The following ACCSL variants were observed in gnomAD, a reference collection of about 807,000 sequenced individuals.
ACCSL encodes probable inactive 1-aminocyclopropane-1-carboxylate synthase-like protein 2.
ACCSL carries 55 observed loss-of-function variants against 61.7 expected under a neutral mutation model. That is an observed-to-expected ratio of 0.89 (90% CI 0.72 to 1.12). The LOEUF (loss-of-function observed/expected upper bound fraction) is 1.12, where lower values mean the gene tolerates loss of function less well. Among genes scored for constraint, ACCSL ranks in the 50% most tolerant of loss-of-function variants. The pLI, the probability that ACCSL is intolerant of heterozygous loss-of-function variation, is 0.00. For synonymous variants in ACCSL, 258 were observed against 264.3 expected (o/e 0.98, Z 0.23); for missense variants, 632 against 698.0 (o/e 0.91, Z 1.07).
the ACCSL span, among the ~76,000 whole-genome samples, chr11:44,018,294 C>G: frequency 1.3e-5 from 2 of 152,320 alleles, no homozygotes; most frequent in South Asian, 4.1e-4. Flanking sequence ...GATGTGAACT[C>G]ACAGCAGGGA....
chr11:43,983,525 G>T, the ACCSL span, among the ~76,000 whole-genome samples: 28 of 152,242 alleles, frequency 1.8e-4, no homozygotes, highest in African/African-American at 6.7e-4. Context: ...GGGGAGATGG[G>T]AACCAGAGAA....
At chr11:44,010,361 T>C in the ACCSL span, among the ~76,000 whole-genome samples, 1 of 152,144 alleles carries the variant, frequency 6.6e-6, no homozygotes, top group Non-Finnish European at 1.5e-5. Flanking sequence ...GTCTCCTTCA[T>C]ATAGGCAACA....
the ACCSL span, among the ~76,000 whole-genome samples, chr11:44,021,954 C>T: frequency 4.6e-5 from 7 of 152,246 alleles, no homozygotes; most frequent in Non-Finnish European, 8.8e-5. Flanking sequence ...TCTGGGTTCT[C>T]TCTTCTGTTC....
At chr11:43,958,290 A>G in the ACCSL span, among the ~76,000 whole-genome samples, 1 of 152,070 alleles carries the variant, frequency 6.6e-6, no homozygotes, top group African/African-American at 2.4e-5. Context: ...CAGGTTTTTC[A>G]TTTCTCACAA....
chr11:43,950,246 A>T, the ACCSL span, among the ~76,000 whole-genome samples: 5 of 152,208 alleles, frequency 3.3e-5, no homozygotes, highest in Non-Finnish European at 5.9e-5. Context: ...TAAAATGTAT[A>T]AAACCAACCT....
the ACCSL span, among the ~76,000 whole-genome samples, chr11:43,971,762 A>C: frequency 6.6e-6 from 1 of 152,044 alleles, no homozygotes; most frequent in South Asian, 2.1e-4. Context: ...GCATCATCTC[A>C]TTGACTCAAG....
the ACCSL span, among the ~76,000 whole-genome samples, chr11:44,000,268 G>A: frequency 6.6e-6 from 1 of 152,116 alleles, no homozygotes; most frequent in Non-Finnish European, 1.5e-5. Context: ...GGGATTACAG[G>A]CATGCACCAC....
chr11:43,940,091 C>T, the ACCSL span, among the ~76,000 whole-genome samples: 1 of 152,190 alleles, frequency 6.6e-6, no homozygotes, highest in Non-Finnish European at 1.5e-5. Context: ...CTTCTTGCTT[C>T]TTTCCCAGCT....
the ACCSL span, among the ~76,000 whole-genome samples, chr11:44,042,178 A>T: frequency 1.3e-5 from 2 of 152,162 alleles, no homozygotes; most frequent in Non-Finnish European, 2.9e-5. Flanking sequence ...TATTTATTTG[A>T]CTATAAAGTA....
rs772207275 is a variant in ACCSL at position 44,055,167 on chromosome 11, T to C, written c.1050-35T>C. 7 of 1,408,834 alleles carry C rather than the reference T, an allele frequency of 5.0e-6. No homozygotes were observed. The East Asian group carries it at 1.6e-4, about 33-fold the overall frequency. The allele number at this position is 1,408,834 out of a possible 1,614,324, so 87.3% of individuals were successfully genotyped here. A position where few individuals can be genotyped will look rare whatever the true frequency, so the allele number is the denominator to read the frequency against. On this transcript the variant is annotated intron_variant, in intron 8 of 13. Transcript: ENST00000378832. The stretch of plus-strand genomic sequence containing the variant: ...CAAAGAAAAAAGATTAGAGAGAAGC[T>C]AGATCTTGTTCTCCTTCTTTCATCT...
chr11:44,050,695 C>A, intron 3 of ACCSL, 73 bp downstream of exon 3: 2 of 1,437,692 alleles, frequency 1.4e-6, no homozygotes, highest in Non-Finnish European at 1.9e-6. Context: ...GGATTCAAGG[C>A]ACCAAATTCC....
At chr11:43,942,960 T>A in the ACCSL span, 1 of 1,484,588 alleles carries the variant, frequency 6.7e-7, no homozygotes, top group East Asian at 2.9e-5. Context: ...CAGGCGGTGA[T>A]GCCGCACTTC....
chr11:44,002,086 C>A, the ACCSL span, among the ~76,000 whole-genome samples: 2 of 151,776 alleles, frequency 1.3e-5, no homozygotes, highest in Non-Finnish European at 2.9e-5. Flanking sequence ...TTTTTTTCAT[C>A]TGTGGACAAG....
chr11:44,016,955 G>A, the ACCSL span, among the ~76,000 whole-genome samples: 4 of 152,142 alleles, frequency 2.6e-5, no homozygotes, highest in Non-Finnish European at 5.9e-5. Flanking sequence ...ATTCATTTCT[G>A]GAGTTTTTGC....
At chr11:44,015,215 T>C in the ACCSL span, among the ~76,000 whole-genome samples, 1 of 152,242 alleles carries the variant, frequency 6.6e-6, no homozygotes, top group Non-Finnish European at 1.5e-5. Flanking sequence ...ATTATATCAC[T>C]GCTTTCCACC....
chr11:43,938,080 T>C, the ACCSL span, among the ~76,000 whole-genome samples: 540 of 152,258 alleles, frequency 3.5e-3, 3 homozygotes, highest in Non-Finnish European at 4.3e-3. Context: ...TTTAGACACA[T>C]GGCCTCCTAG....
At chr11:43,973,555 A>G in the ACCSL span, among the ~76,000 whole-genome samples, 1 of 152,230 alleles carries the variant, frequency 6.6e-6, no homozygotes, top group South Asian at 2.1e-4. Flanking sequence ...TGGTCTAACC[A>G]GTTACTTTGG....
chr11:44,030,840 T>C, the ACCSL span, among the ~76,000 whole-genome samples: 4 of 152,136 alleles, frequency 2.6e-5, no homozygotes, highest in African/African-American at 9.7e-5. Flanking sequence ...AAGGTCTGAC[T>C]AACACATCTA....
At chr11:43,942,649 C>A in the ACCSL span, 1 of 254,128 alleles carries the variant, frequency 3.9e-6, no homozygotes. Flanking sequence ...ACGGCGACAG[C>A]AGCGGCGGCG....
Sources: gnomAD v4.1 joint callset for allele counts (sites outside exome capture counted in the v4.1 genomes callset) on GRCh38, gnomAD v4.1.1 for gene constraint, MANE v1.5 for transcripts, NCBI Gene and HGNC (gene_info 2026-07-23, HGNC 2026-07-21) for gene names.